ZFP1: variants seen among roughly 807,000 people sequenced by gnomAD.
ZFP1 encodes the protein ZFP1 zinc finger protein, also known as zinc finger protein 1 homolog.
ZFP1 carries 32 observed loss-of-function variants against 38.5 expected under a neutral mutation model. The observed-to-expected ratio is 0.83, with a 90% CI of 0.63 to 1.12. ZFP1 has a LOEUF of 1.12. ZFP1 is among the 50% of genes most tolerant of loss of function. ZFP1 has a pLI of 0.00. For missense variants in ZFP1, 616 were observed against 480.8 expected (o/e 1.28, Z -2.63); for synonymous variants, 245 against 168.8 (o/e 1.45, Z -3.50).
chr16:75,153,662 A>G (rs2037322563), intron 2 of ZFP1, among the ~76,000 whole-genome samples: 1 of 152,104 alleles, frequency 6.6e-6, no homozygotes, highest in Admixed American at 6.6e-5. Flanking sequence ...TAATATATGC[A>G]TTAATGTATA....
At chr16:75,139,579 C>A in the ZFP1 span, among the ~76,000 whole-genome samples, 56,858 of 151,752 alleles carry the variant, frequency 0.37, 11,959 homozygotes, top group Middle Eastern at 0.56. Context: ...GTGGTCCGAG[C>A]TACTCAGGAG....
the ZFP1 span, among the ~76,000 whole-genome samples, chr16:75,136,296 G>A: frequency 6.6e-6 from 1 of 152,170 alleles, no homozygotes; most frequent in Admixed American, 6.5e-5. Context: ...TAAAAGTAAA[G>A]GCAAAAGGAA....
Position 75,169,656 on chromosome 16 carries a change from A to C in ZFP1, c.546A>C (p.Gln182His). The change falls in exon 4 of 4, where the codon CAA (glutamine) becomes CAC (histidine). Residue 182 changes from glutamine (Q) to histidine (H), a missense_variant. Physicochemically the swap from Gln to His is conservative, Grantham distance 24 (BLOSUM62 0). Transcript: ENST00000570010. The part of the protein sequence containing the change: ...FKHQKIKNLV[Q>H]PFICTYCDKA... Reference sequence around the variant, plus strand: ...ATCAGAAAATAAAAAACTTGGTTCAACCTTTCATTTGTACTTACTGTGACA... The same window carrying C: ...ATCAGAAAATAAAAAACTTGGTTCACCCTTTCATTTGTACTTACTGTGACA... The C allele has an allele frequency of 1.2e-6, 2 of 1,601,218 alleles. No homozygotes were observed. Among genetic ancestry groups the C allele is most frequent in the East Asian group, 2.2e-5 (1 of 44,790 alleles).
In ZFP1 at chr16:75,152,258, AT is replaced by A. The variant is rs554051627; in HGVS notation, c.-43-646del. ...CTTGGACCTGTGGTTTCATATTATT[AT>A]TTTTGGAAAATTCTTGTCCATTATG... On this transcript the variant is annotated intron_variant, in intron 1 of 3. Transcript: ENST00000570010. Among the ~76,000 whole-genome samples, 449 of 152,156 alleles carry A rather than the reference AT, an allele frequency of 3.0e-3. 4 individuals are homozygous for A. Among genetic ancestry groups the A allele is most frequent in the African/African-American group, 0.01 (430 of 41,524 alleles).
the ZFP1 span, among the ~76,000 whole-genome samples, chr16:75,129,658 T>C: frequency 1.3e-5 from 2 of 152,216 alleles, no homozygotes; most frequent in African/African-American, 4.8e-5. Context: ...TGACATATGT[T>C]GATTGATGTC....
chr16:75,130,207 G>T, the ZFP1 span, among the ~76,000 whole-genome samples: 1 of 152,014 alleles, frequency 6.6e-6, no homozygotes, highest in Non-Finnish European at 1.5e-5. Context: ...CACCATGTTG[G>T]CCCGACTGGT....
intron 2 of ZFP1, among the ~76,000 whole-genome samples, chr16:75,159,675 G>A (rs968518418): frequency 6.6e-6 from 1 of 151,914 alleles, no homozygotes; most frequent in Non-Finnish European, 1.5e-5. Flanking sequence ...CAAAGTGCTG[G>A]GATTACAGTC....
chr16:75,130,045 G>T, the ZFP1 span, among the ~76,000 whole-genome samples: 3 of 152,094 alleles, frequency 2.0e-5, no homozygotes, highest in Non-Finnish European at 2.9e-5. Context: ...CGCCCAAGCT[G>T]GAGTGCAGTG....
intron 2 of ZFP1, among the ~76,000 whole-genome samples, chr16:75,156,563 T>G (rs188346753): frequency 1.1e-4 from 16 of 152,312 alleles, no homozygotes; most frequent in Non-Finnish European, 1.9e-4. Context: ...TTGACTTTCC[T>G]GAGAGTTTAC....
intron 2 of ZFP1, among the ~76,000 whole-genome samples, chr16:75,158,582 C>T (rs2037584908): frequency 6.6e-6 from 1 of 150,412 alleles, no homozygotes; most frequent in African/African-American, 2.4e-5. Context: ...CGTGAGCCAC[C>T]ATGCCTGGCC....
chr16:75,132,654 T>TTC, the ZFP1 span: 19 of 141,968 alleles, frequency 1.3e-4, no homozygotes, highest in Admixed American at 7.1e-5. Context: ...TTTCATTTCT[T>TTC]TTTTTTTTTT....
chr16:75,130,596 T>C, the ZFP1 span, among the ~76,000 whole-genome samples: 1 of 152,160 alleles, frequency 6.6e-6, no homozygotes, highest in African/African-American at 2.4e-5. Flanking sequence ...GATCATCCGT[T>C]TCAGGTTTTT....
At chr16:75,127,136 T>A in the ZFP1 span, among the ~76,000 whole-genome samples, 5 of 152,238 alleles carry the variant, frequency 3.3e-5, no homozygotes, top group Non-Finnish European at 7.3e-5. Flanking sequence ...AAACTTTTTG[T>A]CATTCACGGA....
chr16:75,161,672 C>T (rs1007280984), intron 2 of ZFP1, among the ~76,000 whole-genome samples: 18 of 139,402 alleles, frequency 1.3e-4, no homozygotes, highest in African/African-American at 4.3e-4. Context: ...AAATTTCCTT[C>T]GAATTTTTTT....
upstream of ZFP1, among the ~76,000 whole-genome samples, chr16:75,145,664 C>T (rs2036935255): frequency 6.6e-6 from 1 of 152,202 alleles, no homozygotes; most frequent in Non-Finnish European, 1.5e-5. Flanking sequence ...GAAGAGGTAG[C>T]TGGATGGTCA....
chr16:75,161,774 A>ATATATATATATATATT (rs1555523101), intron 2 of ZFP1, among the ~76,000 whole-genome samples: 1 of 7,820 alleles, frequency 1.3e-4, no homozygotes, highest in African/African-American at 3.9e-4. Flanking sequence ...ATATATATAT[A>ATATATATATATATATT]TTTTTTTTTT....
At chr16:75,148,832 C>A (rs1194785824) in intron 1 of ZFP1, 189 bp downstream of exon 1, 4 of 152,286 alleles carry the variant, frequency 2.6e-5, no homozygotes, top group African/African-American at 9.6e-5. Context: ...CACGCCTGGC[C>A]GAACGTGCGG....
At chr16:75,150,588 A>G (rs543345244) in intron 1 of ZFP1, among the ~76,000 whole-genome samples, 45 of 152,190 alleles carry the variant, frequency 3.0e-4, no homozygotes, top group African/African-American at 9.9e-4. Flanking sequence ...ACGAATTTCA[A>G]TTATTTTAAA....
intron 2 of ZFP1, among the ~76,000 whole-genome samples, chr16:75,153,911 C>G (rs7189541): frequency 2.0e-5 from 3 of 152,110 alleles, no homozygotes; most frequent in Non-Finnish European, 4.4e-5. Flanking sequence ...TCTCCCTAGT[C>G]GTGTCTTTTC....
Sources: allele counts gnomAD v4.1 joint callset (sites outside exome capture counted in the v4.1 genomes callset), GRCh38; gene constraint gnomAD v4.1.1; transcripts MANE v1.5; gene names NCBI Gene and HGNC (gene_info 2026-07-23, HGNC 2026-07-21).